FAM193A: variants seen among roughly 807,000 people sequenced by gnomAD.
FAM193A encodes the protein protein FAM193A.
In FAM193A, 22 loss-of-function variants were observed where a neutral mutation model predicts 126.5. The ratio of observed to expected loss-of-function variants is 0.17; its 90% CI spans 0.12 to 0.25. The LOEUF (loss-of-function observed/expected upper bound fraction) is 0.25. FAM193A is among the 10% of genes least tolerant of loss of function. The pLI is 1.00. For missense variants in FAM193A, 1,675 were observed against 1,672.8 expected (o/e 1.00, Z -0.02); for synonymous variants, 761 against 646.8 (o/e 1.18, Z -2.68).
chr4:2,723,128 G>C (rs918100522), intron 20 of FAM193A, among the ~76,000 whole-genome samples: 3 of 152,044 alleles, frequency 2.0e-5, no homozygotes, highest in Non-Finnish European at 4.4e-5. Flanking sequence ...AAAAAAATTA[G>C]CCGGGTGTGG....
Position 2,625,362 on chromosome 4 carries a change from C to A in FAM193A, c.602C>A (p.Thr201Asn). Residue 201 changes from threonine (T) to asparagine (N), a missense_variant, in exon 3 of 21, where the codon ACC (threonine) becomes AAC (asparagine). Physicochemically the swap from Thr to Asn is moderately conservative, Grantham distance 65. Around this residue, in one of 4 missense-constraint regions of FAM193A, gnomAD observed 1,186 missense variants for 1,109.2 expected, o/e 1.07. Coordinates refer to ENST00000637812, the MANE Select transcript of FAM193A (RefSeq NM_001366318.2). ...ALGAQTLPSD[T>N]ACSCEACSER... ...GGTGCACAGACGCTGCCTTCAGACACCGCATGCTCGTGCGAGGCCTGCAGT... is the reference window on the plus strand; with the variant it reads ...GGTGCACAGACGCTGCCTTCAGACAACGCATGCTCGTGCGAGGCCTGCAGT... 1.4e-6 allele frequency: 1 copy of A among 702,888 alleles called. No individual in the cohort carries two copies. Among genetic ancestry groups the A allele is most frequent in the East Asian group, 2.7e-5 (1 of 37,292 alleles). 43.5% of individuals were successfully genotyped at this position (702,888 alleles called of 1,614,324 possible). A position where few individuals can be genotyped will look rare whatever the true frequency, so the allele number is the denominator to read the frequency against.
chr4:2,731,959 G>A lies in FAM193A; in HGVS notation c.*91G>A. On this transcript the variant is annotated 3_prime_UTR_variant, in exon 21 of 21. Transcript: ENST00000637812. ...CCCTCGCTGGCGCCCCAGAGCCGTG[G>A]TGCTTGCCAAGGGCTGTGCGGAGCT... 2 of 1,015,888 alleles carry A rather than the reference G, an allele frequency of 2.0e-6. No homozygotes were observed. Among genetic ancestry groups the A allele is most frequent in the South Asian group, 1.3e-5 (1 of 78,388 alleles). The allele number at this position is 1,015,888 out of a possible 1,614,324, so 62.9% of individuals were successfully genotyped here.
rs776338506 is a variant in FAM193A, at chr4:2,672,153, T to C, written c.2112T>C (p.His704=). 3.8e-5 allele frequency: 61 copies of C among 1,614,130 alleles called. No homozygotes were observed. The highest frequency in any genetic ancestry group is 5.2e-5 in the Non-Finnish European group (61 of 1,180,046). The change falls in exon 13 of 21, where the codon CAT becomes CAC. Residue 704 remains histidine, a synonymous_variant. Coordinates refer to ENST00000637812, the MANE Select transcript of FAM193A (RefSeq NM_001366318.2). ...AAGCTCCAAACACTTGTGAATGTCA[T>C]GTTTGTAAGCAGGAAGCTTCTGGAC... ...AEQAPNTCEC[H]VCKQEASGLT...
In FAM193A at chr4:2,658,107, A is replaced by G. The variant is rs375919508; in HGVS notation, c.1389+227A>G. Among the ~76,000 whole-genome samples, 4 of 152,306 alleles carry G rather than the reference A, an allele frequency of 2.6e-5. 1 individual carries two copies. Among genetic ancestry groups the G allele is most frequent in the East Asian group, 1.9e-4 (1 of 5,182 alleles). On this transcript the variant is annotated intron_variant, in intron 8 of 20. Coordinates refer to ENST00000637812, the MANE Select transcript of FAM193A (RefSeq NM_001366318.2). ...TACGCCTCAAGAAAAACCCATGTGT[A>G]TTGAGTGGCCTCTCTATCCCACAGC...
intron 7 of FAM193A, among the ~76,000 whole-genome samples, chr4:2,652,412 T>C (rs562628921): frequency 6.6e-6 from 1 of 152,314 alleles, no homozygotes; most frequent in South Asian, 2.1e-4. Flanking sequence ...AAGAAATACC[T>C]GAGACTGGAT....
chr4:2,696,028 A>AT (rs1716992529), intron 17 of FAM193A, among the ~76,000 whole-genome samples: 1 of 144,688 alleles, frequency 6.9e-6, no homozygotes, highest in African/African-American at 2.5e-5. Context: ...ACCTTGTCTC[A>AT]AAAATAAATA....
intron 13 of FAM193A, among the ~76,000 whole-genome samples, chr4:2,686,166 A>G (rs1328813904): frequency 6.6e-6 from 1 of 152,332 alleles, no homozygotes; most frequent in East Asian, 1.9e-4. Context: ...AAGAAAATAC[A>G]ACTTTTTTTG....
At chr4:2,661,436 A>G (rs2109111815) in intron 10 of FAM193A, among the ~76,000 whole-genome samples, 1 of 152,282 alleles carries the variant, frequency 6.6e-6, no homozygotes, top group African/African-American at 2.4e-5. Context: ...ACATGGAGCA[A>G]ATGGCTGAGT....
At chr4:2,668,455 C>T (rs1468931126) in intron 12 of FAM193A, among the ~76,000 whole-genome samples, 1 of 152,098 alleles carries the variant, frequency 6.6e-6, no homozygotes, top group Non-Finnish European at 1.5e-5. Context: ...AAGTGATCCA[C>T]CTACCTCAGC....
At chr4:2,535,619 G>A (rs910419774), upstream of FAM193A, among the ~76,000 whole-genome samples, 1 of 152,226 alleles carries the variant, frequency 6.6e-6, no homozygotes, top group Admixed American at 6.5e-5. Context: ...GGGGCTCGCA[G>A]ATGTCTGCAA....
chr4:2,624,504 C>T (rs1742768189), intron 2 of FAM193A, among the ~76,000 whole-genome samples: 2 of 152,188 alleles, frequency 1.3e-5, no homozygotes, highest in East Asian at 3.9e-4. Context: ...CTATGGGATT[C>T]CCCAGGACGG....
At chr4:2,708,910 ATTG>A (rs553525414) in intron 19 of FAM193A, among the ~76,000 whole-genome samples, 441 of 152,168 alleles carry the variant, frequency 2.9e-3, no homozygotes, top group African/African-American at 9.3e-3. Context: ...TACGCCTCTA[ATTG>A]TTGTCTTTTA....
intron 13 of FAM193A, among the ~76,000 whole-genome samples, chr4:2,675,603 T>G (rs1714309030): frequency 6.6e-6 from 1 of 152,254 alleles, no homozygotes; most frequent in South Asian, 2.1e-4. Context: ...TGGTATATCT[T>G]CCTTCATTGC....
intron 2 of FAM193A, among the ~76,000 whole-genome samples, chr4:2,602,424 G>A (rs1482613794): frequency 2.1e-5 from 3 of 145,272 alleles, no homozygotes; most frequent in African/African-American, 7.7e-5. Flanking sequence ...GTGTGATCTC[G>A]GCTCACTGAA....
Position 2,647,212 on chromosome 4 carries a change from C to T in FAM193A, c.1311+380C>T, listed in dbSNP as rs181332043. Among the ~76,000 whole-genome samples the T allele has an allele frequency of 5.4e-3, 816 of 151,986 alleles. 7 individuals are homozygous for T. The highest frequency in any genetic ancestry group is 5.1e-3 in the Non-Finnish European group (346 of 67,976). On this transcript the variant is annotated intron_variant, in intron 7 of 20. Transcript: ENST00000637812. ...CCAGGCTGGAGTGCAATGGTGAGAT[C>T]TGGGCTCACCCCAACCTCCGCCTCC...
At chr4:2,615,467 A>G (rs551564992) in intron 2 of FAM193A, among the ~76,000 whole-genome samples, 3 of 152,206 alleles carry the variant, frequency 2.0e-5, no homozygotes, top group South Asian at 4.1e-4. Flanking sequence ...TGCCTTTATT[A>G]TGATTTGTTC....
intron 20 of FAM193A, among the ~76,000 whole-genome samples, chr4:2,716,495 A>G (rs889008349): frequency 3.3e-5 from 5 of 152,164 alleles, no homozygotes; most frequent in Non-Finnish European, 5.9e-5. Flanking sequence ...GCCGGCATCT[A>G]CGTTCTTGAC....
At chr4:2,604,220 T>C (rs1050409757) in intron 2 of FAM193A, among the ~76,000 whole-genome samples, 1 of 152,094 alleles carries the variant, frequency 6.6e-6, no homozygotes, top group African/African-American at 2.4e-5. Context: ...ATGATAGTGA[T>C]TCCTTATTAA....
intron 13 of FAM193A, among the ~76,000 whole-genome samples, chr4:2,676,671 G>A (rs1208776690): frequency 1.3e-5 from 2 of 152,096 alleles, no homozygotes; most frequent in African/African-American, 2.4e-5. Flanking sequence ...AGCCAGGCAC[G>A]GTGGCTCACG....
Sources: gnomAD v4.1 joint callset for allele counts (sites outside exome capture counted in the v4.1 genomes callset) on GRCh38, gnomAD v4.1.1 for gene constraint, gnomAD v4.1.1 regional missense constraint, MANE v1.5 for transcripts, NCBI Gene and HGNC (gene_info 2026-07-23, HGNC 2026-07-21) for gene names.